ADORA2B: variants seen among roughly 807,000 people sequenced by gnomAD.
ADORA2B encodes the protein adenosine A2b receptor.
In ADORA2B, 18 loss-of-function variants were observed where a neutral mutation model predicts 20.8. The ratio of observed to expected loss-of-function variants is 0.87; its 90% confidence interval spans 0.60 to 1.29. The LOEUF (loss-of-function observed/expected upper bound fraction) is 1.29. Ranked by LOEUF, ADORA2B falls within the 50% of genes most tolerant of loss-of-function variation. The pLI is 0.00. For synonymous variants in ADORA2B, 179 were observed against 178.3 expected, an observed-to-expected ratio of 1.00 and a Z score of -0.03; for missense variants, 441 against 422.7, an observed-to-expected ratio of 1.04 and a Z score of -0.38.
chr17:15,931,410 T>C, the ADORA2B span, among the ~76,000 whole-genome samples: 2 of 152,164 alleles, frequency 1.3e-5, no homozygotes, highest in African/African-American at 2.4e-5. Flanking sequence ...GACATCAACA[T>C]TGGGTAGAAA....
chr17:15,923,550 G>T, the ADORA2B span, among the ~76,000 whole-genome samples: 1 of 151,188 alleles, frequency 6.6e-6, no homozygotes, highest in African/African-American at 2.4e-5. Context: ...GACTACAGGC[G>T]CCCACCACCA....
the ADORA2B span, among the ~76,000 whole-genome samples, chr17:15,875,663 TC>T: frequency 6.6e-6 from 1 of 152,310 alleles, no homozygotes; most frequent in South Asian, 2.1e-4. Context: ...GTTCACTGCA[TC>T]CTCCTACTCC....
chr17:15,964,926 A>G (rs532447027), intron 1 of ADORA2B, among the ~76,000 whole-genome samples: 4 of 151,496 alleles, frequency 2.6e-5, no homozygotes, highest in African/African-American at 9.7e-5. Context: ...CCCGTGTGGC[A>G]GCGGGTGCCT....
chr17:15,971,888 C>T (rs924854181), intron 1 of ADORA2B, among the ~76,000 whole-genome samples: 1 of 152,236 alleles, frequency 6.6e-6, no homozygotes, highest in East Asian at 1.9e-4. Flanking sequence ...CTGCCTCGGC[C>T]TCCTGAAGTA....
intron 1 of ADORA2B, 96 bp from the exon 2 acceptor site, chr17:15,974,583 T>C: frequency 9.1e-7 from 1 of 1,104,366 alleles, no homozygotes; most frequent in Non-Finnish European, 1.3e-6. Context: ...CTTTAGAGGT[T>C]GTTAAAGGGT....
rs530853855 is a variant in ADORA2B, at chr17:15,945,630, G to C, written c.335+47G>C. 1.3e-4 allele frequency: 184 copies of C among 1,422,796 alleles called. 2 individuals carry two copies. The South Asian group carries it at 2.2e-3, about 17-fold the overall frequency. The allele number at this position is 1,422,796 out of a possible 1,614,324, so 88.1% of individuals were successfully genotyped here. ...GAACTCGGGGCCCCGTCGGAGCTCC[G>C]AAATGGGTCGTCTTCTCCAGGCCGG... On this transcript the variant is annotated intron_variant, in intron 1 of 1. Coordinates refer to ENST00000304222, the MANE Select transcript of ADORA2B (RefSeq NM_000676.4).
At chr17:15,956,516 T>C (rs577264542) in intron 1 of ADORA2B, among the ~76,000 whole-genome samples, 185 of 152,288 alleles carry the variant, frequency 1.2e-3, no homozygotes, top group Non-Finnish European at 2.2e-3. Flanking sequence ...CACCTTCTGT[T>C]TTTAGAAACT....
Position 15,945,507 on chromosome 17 carries a change from G to C in ADORA2B, c.259G>C (p.Val87Leu). Residue 87 changes from valine (V) to leucine (L), a missense_variant, in exon 1 of 2, where the codon GTG (valine) becomes CTG (leucine). By Grantham distance (32) the Val-to-Leu change is conservative (BLOSUM62 1). Transcript: ENST00000304222. The stretch of plus-strand genomic sequence containing the variant: ...CCTCTTCCTCGCCTGCTTCGTGCTG[G>C]TGCTCACGCAGAGCTCCATCTTCAG... ...GCLFLACFVL[V>L]LTQSSIFSLL... The C allele has an allele frequency of 6.2e-7, 1 of 1,610,104 alleles. No homozygotes were observed. The highest frequency in any genetic ancestry group is 8.5e-7 in the Non-Finnish European group (1 of 1,178,892).
the ADORA2B span, among the ~76,000 whole-genome samples, chr17:15,913,116 C>T: frequency 1.5e-5 from 2 of 135,856 alleles, no homozygotes; most frequent in Non-Finnish European, 3.2e-5. Context: ...CTCTGCTGCC[C>T]AGAAGCCCAT....
At chr17:15,925,809 A>G in the ADORA2B span, among the ~76,000 whole-genome samples, 2 of 152,144 alleles carry the variant, frequency 1.3e-5, no homozygotes, top group East Asian at 3.9e-4. Flanking sequence ...CTCTACTAAA[A>G]AAACCAAAAA....
At chr17:15,880,595 T>G in the ADORA2B span, among the ~76,000 whole-genome samples, 1 of 144,274 alleles carries the variant, frequency 6.9e-6, no homozygotes, top group African/African-American at 2.7e-5. Flanking sequence ...GCACTGTGAG[T>G]TGGAGGAGTT....
At chr17:15,900,332 G>A in the ADORA2B span, among the ~76,000 whole-genome samples, 13 of 152,288 alleles carry the variant, frequency 8.5e-5, no homozygotes, top group African/African-American at 2.6e-4. Flanking sequence ...AGAAATCTCC[G>A]AATCGCTTTC....
the ADORA2B span, among the ~76,000 whole-genome samples, chr17:15,912,982 C>T: frequency 9.0e-3 from 1,375 of 152,320 alleles, 27 homozygotes; most frequent in African/African-American, 0.031. Context: ...AGCCTAGATT[C>T]GTCAGATGGT....
At chr17:15,961,268 C>T (rs752211313) in intron 1 of ADORA2B, among the ~76,000 whole-genome samples, 1 of 148,618 alleles carries the variant, frequency 6.7e-6, no homozygotes, top group East Asian at 1.9e-4. Flanking sequence ...AGAGTGAGAC[C>T]TTTTCTTGGG....
chr17:15,928,864 GCTGGAGGT>G, the ADORA2B span, among the ~76,000 whole-genome samples: 2 of 152,162 alleles, frequency 1.3e-5, no homozygotes, highest in Non-Finnish European at 2.9e-5. Flanking sequence ...GGTCAGAGTG[GCTGGAGGT>G]CTGGAGGTGA....
At chr17:15,902,681 C>T in the ADORA2B span, among the ~76,000 whole-genome samples, 2 of 152,204 alleles carry the variant, frequency 1.3e-5, no homozygotes, top group Non-Finnish European at 2.9e-5. Flanking sequence ...GATACTTACT[C>T]CATGCTAATC....
intron 1 of ADORA2B, among the ~76,000 whole-genome samples, chr17:15,948,055 C>T (rs1423481458): frequency 6.6e-6 from 1 of 151,998 alleles, no homozygotes; most frequent in African/African-American, 2.4e-5. Context: ...GGAGGTGTGT[C>T]CCCTTTGAAG....
At chr17:15,968,105 T>G (rs1970143927) in intron 1 of ADORA2B, among the ~76,000 whole-genome samples, 1 of 152,150 alleles carries the variant, frequency 6.6e-6, no homozygotes, top group African/African-American at 2.4e-5. Flanking sequence ...GAAGATATAT[T>G]TTTAGTTATC....
chr17:15,856,048 C>T, the ADORA2B span, among the ~76,000 whole-genome samples: 2 of 152,066 alleles, frequency 1.3e-5, no homozygotes, highest in African/African-American at 4.8e-5. Context: ...CTCTGTGTCC[C>T]CACCCAAATC....
Sources: gnomAD v4.1 joint callset for allele counts (sites outside exome capture counted in the v4.1 genomes callset) on GRCh38, gnomAD v4.1.1 for gene constraint, MANE v1.5 for transcripts, NCBI Gene and HGNC (gene_info 2026-07-23, HGNC 2026-07-21) for gene names.